The following RIT2 variants were observed in gnomAD, a reference collection of about 807,000 sequenced individuals.
RIT2 encodes the protein Ras like without CAAX 2.
A neutral mutation model predicts 23.7 loss-of-function variants in RIT2; 24 were observed. The ratio of observed to expected loss-of-function variants is 1.01; its 90% CI spans 0.73 to 1.43. The LOEUF (loss-of-function observed/expected upper bound fraction) is 1.43, where lower values mean the gene tolerates loss of function less well. Among genes scored for constraint, RIT2 ranks in the 40% most tolerant of loss-of-function variants. The probability of loss-of-function intolerance (pLI) is 0.00; values close to 1 mark genes in which losing one functional copy is unlikely to be tolerated. For synonymous variants in RIT2, 107 were observed against 91.1 expected, an observed-to-expected ratio of 1.17 and a Z score of -0.99; for missense variants, 236 against 266.9, an observed-to-expected ratio of 0.88 and a Z score of 0.81.
chr18:42,950,039 C>T (rs937276771), intron 3 of RIT2, among the ~76,000 whole-genome samples: 1 of 152,092 alleles, frequency 6.6e-6, no homozygotes, highest in African/African-American at 2.4e-5. Flanking sequence ...TATAATGAGG[C>T]TTGTACCCAA....
At chr18:42,935,399 C>T (rs1260703080) in intron 3 of RIT2, among the ~76,000 whole-genome samples, 5 of 152,152 alleles carry the variant, frequency 3.3e-5, no homozygotes, top group Non-Finnish European at 5.9e-5. Flanking sequence ...CTCTCTCCCT[C>T]ATTTTTTGTG....
chr18:42,998,602 A>C (rs1011562700), intron 2 of RIT2, among the ~76,000 whole-genome samples: 7 of 152,074 alleles, frequency 4.6e-5, no homozygotes, highest in Non-Finnish European at 1.0e-4. Context: ...CAGAGGTACA[A>C]ATCACTGAAC....
intron 2 of RIT2, among the ~76,000 whole-genome samples, chr18:42,980,360 T>C (rs1033004326): frequency 6.6e-6 from 1 of 152,086 alleles, no homozygotes; most frequent in Non-Finnish European, 1.5e-5. Flanking sequence ...AGATGATATC[T>C]GACTTACACA....
intron 4 of RIT2, among the ~76,000 whole-genome samples, chr18:42,760,466 AT>A (rs111721368): frequency 2.6e-5 from 4 of 152,298 alleles, no homozygotes; most frequent in African/African-American, 9.6e-5. Context: ...TATCACTGCA[AT>A]GGCTTGTCAG....
intron 4 of RIT2, among the ~76,000 whole-genome samples, chr18:42,843,755 G>A (rs1468672641): frequency 6.6e-6 from 1 of 152,168 alleles, no homozygotes; most frequent in Non-Finnish European, 1.5e-5. Flanking sequence ...AAATGTTGAT[G>A]TTTGTAGCAA....
At chr18:43,023,945 A>C (rs1911653046) in intron 2 of RIT2, among the ~76,000 whole-genome samples, 1 of 152,124 alleles carries the variant, frequency 6.6e-6, no homozygotes, top group South Asian at 2.1e-4. Context: ...ATTCCAGGAA[A>C]GGAAATATCA....
chr18:42,935,834 G>C (rs964444559), intron 3 of RIT2, among the ~76,000 whole-genome samples: 1 of 152,086 alleles, frequency 6.6e-6, no homozygotes, highest in Non-Finnish European at 1.5e-5. Flanking sequence ...AAGTTTTCTG[G>C]AGTTTAAGTG....
intron 4 of RIT2, among the ~76,000 whole-genome samples, chr18:42,810,058 T>TTA (rs545827793): frequency 1.4e-5 from 2 of 147,290 alleles, no homozygotes; most frequent in Non-Finnish European, 3.0e-5. Context: ...GTTATATATG[T>TTA]TATATATATG....
intron 4 of RIT2, among the ~76,000 whole-genome samples, chr18:42,877,203 G>A (rs780945008): frequency 2.0e-5 from 3 of 151,652 alleles, no homozygotes; most frequent in Non-Finnish European, 4.4e-5. Context: ...GAAGACATAT[G>A]GTTAGGGTAT....
At chr18:43,102,258 A>G (rs149294435) in intron 1 of RIT2, among the ~76,000 whole-genome samples, 1 of 152,304 alleles carries the variant, frequency 6.6e-6, no homozygotes, top group East Asian at 1.9e-4. Flanking sequence ...CAGTGTTGCA[A>G]CTACAATCTA....
chr18:43,030,949 C>T (rs769955157), intron 2 of RIT2, among the ~76,000 whole-genome samples: 7 of 152,052 alleles, frequency 4.6e-5, no homozygotes, highest in Non-Finnish European at 1.0e-4. Flanking sequence ...TAATATTCAT[C>T]TTTCTCTCAC....
At chr18:42,940,269 T>TATATATATATGC (rs1555648056) in intron 3 of RIT2, among the ~76,000 whole-genome samples, 72 of 137,962 alleles carry the variant, frequency 5.2e-4, no homozygotes, top group African/African-American at 1.6e-3. Flanking sequence ...TATATATATA[T>TATATATATATGC]GCACACACAC....
chr18:42,989,369 C>T (rs1316185873), intron 2 of RIT2, among the ~76,000 whole-genome samples: 3 of 152,016 alleles, frequency 2.0e-5, no homozygotes, highest in Non-Finnish European at 4.4e-5. Flanking sequence ...TAATTCAGAA[C>T]CTACAACAGC....
At chr18:42,854,501 T>C (rs1013066717) in intron 4 of RIT2, among the ~76,000 whole-genome samples, 5 of 152,152 alleles carry the variant, frequency 3.3e-5, no homozygotes, top group Non-Finnish European at 7.4e-5. Flanking sequence ...CCTCCTTCCA[T>C]ACCCAGAATG....
chr18:42,943,308 T>A (rs1909648792), intron 3 of RIT2, among the ~76,000 whole-genome samples: 2 of 152,086 alleles, frequency 1.3e-5, no homozygotes, highest in African/African-American at 4.8e-5. Context: ...CATTTTCCAA[T>A]CCTCTTGCTA....
chr18:42,931,543 G>C (rs1397294927), intron 3 of RIT2, among the ~76,000 whole-genome samples: 2 of 152,114 alleles, frequency 1.3e-5, no homozygotes, highest in Non-Finnish European at 2.9e-5. Context: ...CTTTCCCATA[G>C]AAGTCTGTTT....
Position 43,045,079 on chromosome 18 carries a change from T to C in RIT2, c.104-11212A>G, listed in dbSNP as rs142207728. On this transcript the variant is annotated intron_variant, in intron 1 of 4. Coordinates refer to ENST00000326695, the MANE Select transcript of RIT2 (RefSeq NM_002930.4). Reference sequence around the variant, plus strand: ...ATTTTCACTAATATTTTCTCAAGTATTTTATCATTTAGGATAAACCTCATC... The same window carrying C: ...ATTTTCACTAATATTTTCTCAAGTACTTTATCATTTAGGATAAACCTCATC... Among the ~76,000 whole-genome samples the C allele has an allele frequency of 4.6e-3, 696 of 152,278 alleles. 3 individuals are homozygous for C. Among genetic ancestry groups the C allele is most frequent in the African/African-American group, 0.016 (658 of 41,546 alleles).
intron 4 of RIT2, among the ~76,000 whole-genome samples, chr18:42,877,425 G>T (rs1377550388): frequency 6.6e-6 from 1 of 150,470 alleles, no homozygotes; most frequent in Non-Finnish European, 1.5e-5. Context: ...TATTTTTTAA[G>T]TTCCTACTTT....
At chr18:42,817,472 A>C (rs1906031098) in intron 4 of RIT2, among the ~76,000 whole-genome samples, 1 of 152,204 alleles carries the variant, frequency 6.6e-6, no homozygotes, top group Admixed American at 6.6e-5. Flanking sequence ...CAAAAGGTTA[A>C]CATTTATTAG....
Sources: allele counts gnomAD v4.1 joint callset (sites outside exome capture counted in the v4.1 genomes callset), GRCh38; gene constraint gnomAD v4.1.1; transcripts MANE v1.5; gene names NCBI Gene and HGNC (gene_info 2026-07-23, HGNC 2026-07-21).